Variants in JAZF1 observed in about 807,000 individuals in gnomAD.
The protein encoded by JAZF1 is JAZF zinc finger 1.
A neutral mutation model predicts 26.4 loss-of-function variants in JAZF1; 8 were observed. The ratio of observed to expected loss-of-function variants is 0.30; its 90% confidence interval spans 0.18 to 0.55. The LOEUF is 0.55. JAZF1 is among the 20% of genes least tolerant of loss of function. The pLI is 0.94. For synonymous variants in JAZF1, 126 were observed against 122.3 expected (o/e 1.03, Z -0.20); for missense variants, 199 against 322.0 (o/e 0.62, Z 2.92).
intron 1 of JAZF1, among the ~76,000 whole-genome samples, chr7:28,097,187 T>C (rs976426539): frequency 6.6e-6 from 1 of 151,544 alleles, no homozygotes; most frequent in Non-Finnish European, 1.5e-5. Flanking sequence ...TTGCAAAAAA[T>C]GAAATCTTGG....
chr7:27,991,577 C>T (rs1373356093), intron 2 of JAZF1, among the ~76,000 whole-genome samples: 2 of 152,100 alleles, frequency 1.3e-5, no homozygotes, highest in African/African-American at 4.8e-5. Context: ...ACTTCTTCAC[C>T]TCAGGATTTA....
intron 2 of JAZF1, among the ~76,000 whole-genome samples, chr7:27,953,321 T>A (rs1213156610): frequency 2.0e-5 from 3 of 152,214 alleles, no homozygotes; most frequent in African/African-American, 7.2e-5. Flanking sequence ...GTAAAAATAG[T>A]CCAAACCCAA....
At position 27,986,454 on chromosome 7, in the gene JAZF1, A is replaced by G. The variant is rs1416394700; in HGVS notation, c.188+5455T>C. 3.9e-5 allele frequency among the ~76,000 whole-genome samples: 6 copies of G among 152,342 alleles called. No individual in the cohort carries two copies. The South Asian group carries it at 1.0e-3, about 26-fold the overall frequency. The stretch of plus-strand genomic sequence containing the variant: ...GAGAACTACAAACCACTGCTCAATG[A>G]AATAAAAGAGGACACAAACAAATGG... On this transcript the variant is annotated intron_variant, in intron 2 of 4. Transcript: ENST00000283928.
intron 1 of JAZF1, among the ~76,000 whole-genome samples, chr7:28,165,417 C>A (rs1783353360): frequency 6.6e-6 from 1 of 152,010 alleles, no homozygotes; most frequent in Admixed American, 6.6e-5. Flanking sequence ...GGTAATGGGG[C>A]TTTGAGCTAT....
chr7:27,957,310 T>TA (rs1478171564), intron 2 of JAZF1, among the ~76,000 whole-genome samples: 1 of 152,194 alleles, frequency 6.6e-6, no homozygotes, highest in African/African-American at 2.4e-5. Context: ...TAATTATTTA[T>TA]AAAATAAATA....
At chr7:27,849,752 GACACACAC>G (rs72394231) in intron 3 of JAZF1, among the ~76,000 whole-genome samples, 3 of 108,444 alleles carry the variant, frequency 2.8e-5, no homozygotes, top group Non-Finnish European at 5.8e-5. Context: ...CTTACACACA[GACACACAC>G]ACACACACAC....
At chr7:28,179,638 C>A (rs1199370069) in intron 1 of JAZF1, among the ~76,000 whole-genome samples, 2 of 150,122 alleles carry the variant, frequency 1.3e-5, no homozygotes, top group Non-Finnish European at 3.0e-5. Context: ...GCGCGGCCCG[C>A]GGGCGCACCC....
chr7:27,977,922 G>A (rs1785504185), intron 2 of JAZF1, among the ~76,000 whole-genome samples: 1 of 152,184 alleles, frequency 6.6e-6, no homozygotes, highest in Non-Finnish European at 1.5e-5. Context: ...CAGGGATCAT[G>A]GTCTTGCACT....
chr7:27,879,967 CTATTA>C (rs1222749026), intron 3 of JAZF1, among the ~76,000 whole-genome samples: 1 of 152,148 alleles, frequency 6.6e-6, no homozygotes, highest in Non-Finnish European at 1.5e-5. Context: ...CCAAAATATA[CTATTA>C]TATAATAGAA....
chr7:28,158,263 T>C (rs1313623001), intron 1 of JAZF1, among the ~76,000 whole-genome samples: 1 of 151,298 alleles, frequency 6.6e-6, no homozygotes, highest in East Asian at 1.9e-4. Context: ...CCAAAACCCA[T>C]GGTCCATAGG....
intron 3 of JAZF1, among the ~76,000 whole-genome samples, chr7:27,854,628 A>G (rs1197340091): frequency 6.6e-6 from 1 of 152,090 alleles, no homozygotes; most frequent in East Asian, 1.9e-4. Context: ...TTGCTTATGA[A>G]GCTTAGTTTG....
intron 4 of JAZF1, among the ~76,000 whole-genome samples, chr7:27,839,500 CCT>C (rs1208896477): frequency 1.3e-5 from 2 of 152,200 alleles, no homozygotes; most frequent in African/African-American, 2.4e-5. Context: ...GCCCTTCCCT[CCT>C]CTCCCAACTC....
At chr7:27,903,490 C>T (rs1222935540) in intron 2 of JAZF1, among the ~76,000 whole-genome samples, 1 of 152,158 alleles carries the variant, frequency 6.6e-6, no homozygotes, top group African/African-American at 2.4e-5. Flanking sequence ...CCACTGTGCC[C>T]GGCCCAGGCA....
chr7:27,986,379 TA>T (rs1785706639), intron 2 of JAZF1, among the ~76,000 whole-genome samples: 1 of 151,982 alleles, frequency 6.6e-6, no homozygotes, highest in African/African-American at 2.4e-5. Flanking sequence ...TCAAAGAGAA[TA>T]AAATACCTAG....
intron 1 of JAZF1, among the ~76,000 whole-genome samples, chr7:28,070,496 A>G (rs551737503): frequency 6.6e-6 from 1 of 152,350 alleles, no homozygotes; most frequent in Non-Finnish European, 1.5e-5. Flanking sequence ...GGACCCTCCA[A>G]ACAGAACAGA....
chr7:27,995,029 G>A (rs933502663), intron 1 of JAZF1, among the ~76,000 whole-genome samples: 1 of 152,120 alleles, frequency 6.6e-6, no homozygotes, highest in African/African-American at 2.4e-5. Flanking sequence ...GGGCAGAAAG[G>A]ATACAATCAG....
chr7:27,952,730 A>G (rs1785031722), intron 2 of JAZF1, among the ~76,000 whole-genome samples: 1 of 152,192 alleles, frequency 6.6e-6, no homozygotes, highest in Admixed American at 6.5e-5. Flanking sequence ...TTAAAATCAG[A>G]TGTTATCAAA....
At position 28,166,215 on chromosome 7, in the gene JAZF1, T is replaced by G. The variant is rs543840314; in HGVS notation, c.115+14248A>C. Among the ~76,000 whole-genome samples the G allele has an allele frequency of 2.6e-5, 4 of 152,290 alleles. No individual in the cohort carries two copies. The South Asian group carries it at 6.2e-4, about 24-fold the overall frequency. On this transcript the variant is annotated intron_variant, in intron 1 of 4. Coordinates refer to ENST00000283928, the MANE Select transcript of JAZF1 (RefSeq NM_175061.4). ...TGCTTAACTGTATCAGGGCAATATA[T>G]TCTATAAGACTAAAAATGATTTCAA...
chr7:28,158,160 C>CAT (rs1194603283), intron 1 of JAZF1, among the ~76,000 whole-genome samples: 1 of 90,740 alleles, frequency 1.1e-5, no homozygotes, highest in East Asian at 4.1e-4. Flanking sequence ...CACACACACA[C>CAT]ACACACAAAC....
Sources: allele counts gnomAD v4.1 joint callset (sites outside exome capture counted in the v4.1 genomes callset), GRCh38; gene constraint gnomAD v4.1.1; transcripts MANE v1.5; gene names NCBI Gene and HGNC (gene_info 2026-07-23, HGNC 2026-07-21).